The following BAZ2B variants were observed in gnomAD, a reference collection of about 807,000 sequenced individuals.
BAZ2B encodes the protein bromodomain adjacent to zinc finger domain protein 2B.
A neutral mutation model predicts 246.0 loss-of-function variants in BAZ2B; 91 were observed. That is an observed-to-expected ratio of 0.37 (90% confidence interval 0.31 to 0.44). The LOEUF (loss-of-function observed/expected upper bound fraction) is 0.44, where lower values mean the gene tolerates loss of function less well. Ranked by LOEUF, BAZ2B falls within the 20% of genes least tolerant of loss-of-function variation. BAZ2B has a pLI of 1.00. For synonymous variants in BAZ2B, 855 were observed against 860.0 expected (o/e 0.99, Z 0.10); for missense variants, 2,332 against 2,533.7 (o/e 0.92, Z 1.71).
At chr2:159,377,825 AAAAAAG>A (rs2061575638) in intron 25 of BAZ2B, among the ~76,000 whole-genome samples, 1 of 151,558 alleles carries the variant, frequency 6.6e-6, no homozygotes, top group Non-Finnish European at 1.5e-5. Flanking sequence ...AAAAAAAAAA[AAAAAAG>A]AAGTGAAATA....
At chr2:159,425,421 T>A (rs1224341363) in intron 13 of BAZ2B, among the ~76,000 whole-genome samples, 2 of 152,198 alleles carry the variant, frequency 1.3e-5, no homozygotes, top group Non-Finnish European at 2.9e-5. Context: ...GCTCAAGTGA[T>A]CCGCCTGCCT....
At chr2:159,451,790 T>C (rs1231765334) in intron 4 of BAZ2B, among the ~76,000 whole-genome samples, 1 of 152,158 alleles carries the variant, frequency 6.6e-6, no homozygotes, top group Non-Finnish European at 1.5e-5. Flanking sequence ...ATCAACATTA[T>C]TGAACTCCAG....
At chr2:159,430,724 G>A in intron 10 of BAZ2B, 139 bp downstream of exon 10, 1 of 1,361,148 alleles carries the variant, frequency 7.3e-7, no homozygotes, top group Non-Finnish European at 9.7e-7. Context: ...TGAAAATACA[G>A]GCTCACCTTC....
chr2:159,600,260 C>A (rs947855003), intron 1 of BAZ2B, among the ~76,000 whole-genome samples: 3 of 151,976 alleles, frequency 2.0e-5, no homozygotes, highest in Non-Finnish European at 4.4e-5. Flanking sequence ...TGGGGGTGAT[C>A]AGGAAAAATC....
the BAZ2B span, among the ~76,000 whole-genome samples, chr2:159,686,625 A>G: frequency 6.6e-6 from 1 of 152,232 alleles, no homozygotes; most frequent in Admixed American, 6.5e-5. Flanking sequence ...TAAAAAAATA[A>G]TAAGTGAAAT....
At chr2:159,685,465 T>C in the BAZ2B span, among the ~76,000 whole-genome samples, 47,637 of 152,114 alleles carry the variant, frequency 0.31, 9,411 homozygotes, top group Admixed American at 0.48. Context: ...TGCCAAGATC[T>C]TGGTTTCTAA....
chr2:159,574,375 T>A (rs1684783197), intron 1 of BAZ2B, among the ~76,000 whole-genome samples: 1 of 151,970 alleles, frequency 6.6e-6, no homozygotes, highest in South Asian at 2.1e-4. Flanking sequence ...AAAAACCTAA[T>A]AAGTGTTTGT....
At chr2:159,316,387 CT>C (rs2062119877), downstream of BAZ2B, among the ~76,000 whole-genome samples, 1 of 152,030 alleles carries the variant, frequency 6.6e-6, no homozygotes, top group South Asian at 2.1e-4. Flanking sequence ...TCACATCCCC[CT>C]GGAAAGAAAA....
At chr2:159,632,389 G>A in the BAZ2B span, among the ~76,000 whole-genome samples, 21 of 152,052 alleles carry the variant, frequency 1.4e-4, no homozygotes, top group African/African-American at 4.8e-4. Flanking sequence ...TTTGCAAGCT[G>A]GTTATTAAAT....
chr2:159,483,469 G>A, intron 2 of BAZ2B, among the ~76,000 whole-genome samples: 1 of 152,070 alleles, frequency 6.6e-6, no homozygotes, highest in African/African-American at 2.4e-5. Context: ...CAAAGTGCTG[G>A]GATGCCTTAT....
chr2:159,607,381 A>G (rs1693745524), intron 1 of BAZ2B, among the ~76,000 whole-genome samples: 1 of 152,234 alleles, frequency 6.6e-6, no homozygotes, highest in African/African-American at 2.4e-5. Context: ...AAGCATAGGA[A>G]AAGAACCAAG....
chr2:159,351,106 A>T (rs1326313188), intron 27 of BAZ2B, among the ~76,000 whole-genome samples: 2 of 152,186 alleles, frequency 1.3e-5, no homozygotes, highest in Non-Finnish European at 2.9e-5. Context: ...TACAAAAAAT[A>T]TTACAAGCTG....
chr2:159,473,046 T>C (rs1418461190), intron 3 of BAZ2B, among the ~76,000 whole-genome samples: 9 of 152,332 alleles, frequency 5.9e-5, no homozygotes, highest in Admixed American at 1.3e-4. Context: ...TTTGGAATAG[T>C]TTCAGAAGGA....
At chr2:159,675,714 G>C in the BAZ2B span, among the ~76,000 whole-genome samples, 1 of 152,016 alleles carries the variant, frequency 6.6e-6, no homozygotes, top group Non-Finnish European at 1.5e-5. Flanking sequence ...CGAAATCCCA[G>C]CTTTTCTAAG....
At chr2:159,328,473 G>C (rs1333352838) in intron 34 of BAZ2B, among the ~76,000 whole-genome samples, 2 of 152,134 alleles carry the variant, frequency 1.3e-5, no homozygotes, top group African/African-American at 4.8e-5. Flanking sequence ...TTCTGAATTT[G>C]TTTCCAATAT....
At position 159,416,164 on chromosome 2, in the gene BAZ2B, A is replaced by G. The variant is rs907398432; in HGVS notation, c.2467-3619T>C. Among the ~76,000 whole-genome samples the G allele has an allele frequency of 1.8e-4, 28 of 152,226 alleles. 1 individual carries two copies. On this transcript the variant is annotated intron_variant, in intron 13 of 36. Coordinates refer to ENST00000392783, the MANE Select transcript of BAZ2B (RefSeq NM_013450.4). Reference sequence around the variant, plus strand: ...AAGACCGTCAGAAAAAAACTAATGCATATGTTCATATATACATATGCTAAA... The same window carrying G: ...AAGACCGTCAGAAAAAAACTAATGCGTATGTTCATATATACATATGCTAAA...
At position 159,348,592 on chromosome 2, in the gene BAZ2B, A is replaced by G. The variant is rs759530048; in HGVS notation, c.5293+86T>C. The stretch of plus-strand genomic sequence containing the variant: ...GTGGAACCCATGAATATGAAGGACC[A>G]ATAGACTGTACTAAAATATGGTTTA... On this transcript the variant is annotated intron_variant, in intron 30 of 36. Coordinates refer to ENST00000392783, the MANE Select transcript of BAZ2B (RefSeq NM_013450.4). The G allele has an allele frequency of 5.5e-6, 8 of 1,446,660 alleles. No homozygotes were observed. The Admixed American group carries it at 9.6e-5, about 17-fold the overall frequency. 89.6% of individuals were successfully genotyped at this position (1,446,660 alleles called of 1,614,324 possible).
intron 16 of BAZ2B, among the ~76,000 whole-genome samples, chr2:159,402,230 C>G (rs1399490597): frequency 6.6e-6 from 1 of 152,008 alleles, no homozygotes; most frequent in African/African-American, 2.4e-5. Context: ...GGCAGATCAC[C>G]TGAGGTCAGG....
chr2:159,411,918 G>A (rs1300803308), intron 14 of BAZ2B: 4 of 984,678 alleles, frequency 4.1e-6, no homozygotes, highest in Non-Finnish European at 4.8e-6. Flanking sequence ...AGTAATTGGA[G>A]TTCTCTGACT....
Sources: gnomAD v4.1 joint callset for allele counts (sites outside exome capture counted in the v4.1 genomes callset) on GRCh38, gnomAD v4.1.1 for gene constraint, MANE v1.5 for transcripts, NCBI Gene and HGNC (gene_info 2026-07-23, HGNC 2026-07-21) for gene names.